Variants in UBE3B observed in about 807,000 individuals in gnomAD.
The protein encoded by UBE3B is ubiquitin-protein ligase E3B.
In UBE3B, 80 loss-of-function variants were observed where a neutral mutation model predicts 132.3. The observed-to-expected ratio is 0.60, with a 90% confidence interval of 0.50 to 0.73. The LOEUF is 0.73. Among genes scored for constraint, UBE3B ranks in the 30% least tolerant of loss-of-function variants. The pLI, the probability that UBE3B is intolerant of heterozygous loss-of-function variation, is 0.00. For synonymous variants in UBE3B, 487 were observed against 520.4 expected (o/e 0.94, Z 0.87); for missense variants, 1,196 against 1,362.5 (o/e 0.88, Z 1.92).
At chr12:109,537,369 G>A (rs1181483364), downstream of UBE3B, among the ~76,000 whole-genome samples, 3 of 152,166 alleles carry the variant, frequency 2.0e-5, no homozygotes, top group East Asian at 1.9e-4. Flanking sequence ...TGTTTGCCCC[G>A]CCTTGGTGCT....
intron 19 of UBE3B, chr12:109,519,728 C>G (rs1172439491): frequency 6.6e-6 from 1 of 152,208 alleles, no homozygotes; most frequent in Non-Finnish European, 1.5e-5. Context: ...TCCTGTTTCT[C>G]CCTTTTGTCA....
chr12:109,543,953 C>T, the UBE3B span, among the ~76,000 whole-genome samples: 14 of 152,172 alleles, frequency 9.2e-5, no homozygotes, highest in African/African-American at 2.7e-4. Flanking sequence ...TACATGTAGA[C>T]GATGGGCCAC....
In UBE3B at chr12:109,507,655, C is replaced by T; in HGVS notation, c.1542C>T (p.Cys514=). The change falls in exon 15 of 28, where the codon TGC becomes TGT. Residue 514 remains cysteine (C), a synonymous_variant. Coordinates refer to ENST00000342494, the MANE Select transcript of UBE3B (RefSeq NM_130466.4). Reference sequence around the variant, plus strand: ...GAGGGTTAAAGCTCTTCTTGGAATGCCTGAACAATGACACTGAAGAGTCCA... The same window carrying T: ...GAGGGTTAAAGCTCTTCTTGGAATGTCTGAACAATGACACTGAAGAGTCCA... ...PHGGLKLFLE[C]LNNDTEESKQ... 1 of 1,614,128 alleles carries T rather than the reference C, an allele frequency of 6.2e-7. No individual in the cohort carries two copies. Among genetic ancestry groups the T allele is most frequent in the Middle Eastern group, 1.7e-4 (1 of 6,058 alleles).
Position 109,503,166 on chromosome 12 carries a change from C to G in UBE3B, c.1426C>G (p.Gln476Glu), listed in dbSNP as rs1426842542. ...LYQTSLTTLT[Q>E]IRLQILTGLT... ...CCAGACCTCGCTGACAACTCTCACA[C>G]AGATTCGGCTGCAGATACTCACAGG... The change falls in exon 14 of 28, where the codon CAG becomes GAG. Residue 476 changes from glutamine (Q) to glutamate (E), a missense_variant. By Grantham distance (29) the Gln-to-Glu change is conservative. Transcript: ENST00000342494. The G allele has an allele frequency of 1.2e-6, 2 of 1,614,220 alleles. No homozygotes were observed. Among genetic ancestry groups the G allele is most frequent in the South Asian group, 2.2e-5 (2 of 91,086 alleles).
intron 23 of UBE3B, among the ~76,000 whole-genome samples, chr12:109,525,423 A>C (rs1231322516): frequency 6.6e-6 from 1 of 152,184 alleles, no homozygotes; most frequent in East Asian, 1.9e-4. Context: ...GTGTTCCTGG[A>C]ATCAGGGGAA....
chr12:109,518,129 T>TA (rs1881283640), intron 19 of UBE3B: 1 of 212,582 alleles, frequency 4.7e-6, no homozygotes. Flanking sequence ...CATATAGAAA[T>TA]AATCTCCACT....
intron 14 of UBE3B, among the ~76,000 whole-genome samples, chr12:109,505,346 C>T (rs1018763451): frequency 6.6e-6 from 1 of 152,186 alleles, no homozygotes; most frequent in African/African-American, 2.4e-5. Context: ...CCAGTGTCTC[C>T]ATCTCTGTCT....
rs1879094552 is a variant in UBE3B, at chr12:109,502,253, A to T, written c.1282+719A>T. Among the ~76,000 whole-genome samples the T allele has an allele frequency of 2.6e-5, 4 of 152,174 alleles. No homozygotes were observed. In the South Asian group the frequency reaches 8.3e-4, roughly 32 times the overall value. On this transcript the variant is annotated intron_variant, in intron 13 of 27. Coordinates refer to ENST00000342494, the MANE Select transcript of UBE3B (RefSeq NM_130466.4). ...ATTTCTTAGAAGTAGAGCTTTTCTG[A>T]GTTCTTAAGAAAATAAATCTCCCAT...
At chr12:109,493,368 A>G (rs572604514) in intron 9 of UBE3B, among the ~76,000 whole-genome samples, 1 of 152,262 alleles carries the variant, frequency 6.6e-6, no homozygotes, top group Non-Finnish European at 1.5e-5. Flanking sequence ...CTCTAGGAGC[A>G]CCTCACCTTT....
chr12:109,493,875 G>A (rs1877819575), intron 9 of UBE3B, among the ~76,000 whole-genome samples: 1 of 152,150 alleles, frequency 6.6e-6, no homozygotes, highest in Non-Finnish European at 1.5e-5. Flanking sequence ...ATCAAGGGTG[G>A]AGTGCAGTGG....
At chr12:109,482,858 A>T (rs891575061) in intron 2 of UBE3B, among the ~76,000 whole-genome samples, 1 of 152,238 alleles carries the variant, frequency 6.6e-6, no homozygotes, top group Non-Finnish European at 1.5e-5. Flanking sequence ...CCTTGGCAGG[A>T]TGGTAATTGT....
At chr12:109,526,316 A>T (rs753562673) in intron 23 of UBE3B, 42 bp from the exon 24 acceptor site, 4 of 1,605,986 alleles carry the variant, frequency 2.5e-6, no homozygotes, top group South Asian at 1.1e-5. Context: ...TTATTTCCCC[A>T]TTAGAGTCCT....
At position 109,529,388 on chromosome 12, in the gene UBE3B, C is replaced by T. The variant is rs117009816; in HGVS notation, c.2628-502C>T. On this transcript the variant is annotated intron_variant, in intron 24 of 27. Coordinates refer to ENST00000342494, the MANE Select transcript of UBE3B (RefSeq NM_130466.4). ...TGCGTGTTTAAAGCATCTGCAGGTCCGCCTTGCCATAGCATTAGACTGTTG... is the reference window on the plus strand; with the variant it reads ...TGCGTGTTTAAAGCATCTGCAGGTCTGCCTTGCCATAGCATTAGACTGTTG... Among the ~76,000 whole-genome samples, 77 of 152,256 alleles carry T rather than the reference C, an allele frequency of 5.1e-4. 1 individual carries two copies. In the East Asian group the frequency reaches 0.013, roughly 27 times the overall value.
At chr12:109,482,973 CCTTT>C (rs549750695) in intron 2 of UBE3B, among the ~76,000 whole-genome samples, 94 of 152,154 alleles carry the variant, frequency 6.2e-4, no homozygotes, top group Admixed American at 2.2e-3. Context: ...TTGAAATGGC[CCTTT>C]CTTTTTTGTG....
chr12:109,481,389 G>A (rs1459982640), intron 1 of UBE3B, among the ~76,000 whole-genome samples: 1 of 151,212 alleles, frequency 6.6e-6, no homozygotes, highest in Non-Finnish European at 1.5e-5. Flanking sequence ...AAGTTATTTT[G>A]CTTCCCATCA....
chr12:109,532,865 G>A (rs1194919121), intron 26 of UBE3B, among the ~76,000 whole-genome samples: 3 of 152,178 alleles, frequency 2.0e-5, no homozygotes. Context: ...AGGGTCCCCC[G>A]GGGCCCCAGC....
intron 24 of UBE3B, among the ~76,000 whole-genome samples, chr12:109,527,946 G>A (rs934988129): frequency 6.6e-6 from 1 of 152,210 alleles, no homozygotes; most frequent in Non-Finnish European, 1.5e-5. Context: ...GCATTGCCAG[G>A]TGTTGCAGCT....
rs563571825 is a variant in UBE3B, at chr12:109,524,814, T to G, written c.2568+311T>G. ...AGGATTAGCCGTTACAAATGGAGGATTATGTCTTAGAGAAGGGGAAGATGC... is the reference window on the plus strand; with the variant it reads ...AGGATTAGCCGTTACAAATGGAGGAGTATGTCTTAGAGAAGGGGAAGATGC... On this transcript the variant is annotated intron_variant, in intron 23 of 27. Coordinates refer to ENST00000342494, the MANE Select transcript of UBE3B (RefSeq NM_130466.4). Among the ~76,000 whole-genome samples, 144 of 151,988 alleles carry G rather than the reference T, an allele frequency of 9.5e-4. 1 individual carries two copies. The highest frequency in any genetic ancestry group is 3.3e-3 in the African/African-American group (138 of 41,426).
chr12:109,494,937 A>G (rs550585222), intron 9 of UBE3B, among the ~76,000 whole-genome samples: 1 of 152,250 alleles, frequency 6.6e-6, no homozygotes, highest in Non-Finnish European at 1.5e-5. Context: ...TTGTACCCTT[A>G]TAACAATGCA....
Sources: gnomAD v4.1 joint callset for allele counts (sites outside exome capture counted in the v4.1 genomes callset) on GRCh38, gnomAD v4.1.1 for gene constraint, MANE v1.5 for transcripts, NCBI Gene and HGNC (gene_info 2026-07-23, HGNC 2026-07-21) for gene names.